The following OR1J2 variants were observed in gnomAD, a reference collection of about 807,000 sequenced individuals.
OR1J2 encodes the protein olfactory receptor 1J2.
For synonymous variants in OR1J2, 142 were observed against 99.7 expected, an observed-to-expected ratio of 1.42 and a Z score of -2.52; for missense variants, 304 against 246.1, an observed-to-expected ratio of 1.24 and a Z score of -1.57.
chr9:122,515,431 A>T (rs1276716370), downstream of OR1J2, among the ~76,000 whole-genome samples: 1 of 143,908 alleles, frequency 6.9e-6, no homozygotes, highest in East Asian at 2.1e-4. Flanking sequence ...TTCTGGAGTC[A>T]TTTTTTATTC....
the OR1J2 span, among the ~76,000 whole-genome samples, chr9:122,534,485 T>C: frequency 0.023 from 3,525 of 152,236 alleles, 119 homozygotes; most frequent in African/African-American, 0.079. Context: ...GCATTAACCT[T>C]GACTATGCCT....
chr9:122,519,421 A>T, the OR1J2 span: 1 of 1,614,190 alleles, frequency 6.2e-7, no homozygotes, highest in Non-Finnish European at 8.5e-7. Context: ...TCCATTCTTT[A>T]TGCAGGGTGT....
chr9:122,464,561 G>A, the OR1J2 span, among the ~76,000 whole-genome samples: 1 of 152,170 alleles, frequency 6.6e-6, no homozygotes, highest in East Asian at 1.9e-4. Context: ...CACTCTGTCC[G>A]ACCTAGTGGG....
chr9:122,463,584 G>T, the OR1J2 span, among the ~76,000 whole-genome samples: 1 of 152,128 alleles, frequency 6.6e-6, no homozygotes, highest in Admixed American at 6.6e-5. Flanking sequence ...GAACTCAAGG[G>T]CTGCTGTTCA....
chr9:122,547,915 G>A, the OR1J2 span, among the ~76,000 whole-genome samples: 2,779 of 152,040 alleles, frequency 0.018, 37 homozygotes, highest in Middle Eastern at 0.031. Flanking sequence ...CCAACATTGC[G>A]TTAAGTATTC....
the OR1J2 span, among the ~76,000 whole-genome samples, chr9:122,454,580 A>G: frequency 4.1e-4 from 62 of 151,544 alleles, no homozygotes; most frequent in African/African-American, 1.4e-3. Context: ...CTTTCCATTT[A>G]TTACCTGTCT....
chr9:122,447,514 A>T, the OR1J2 span: 1 of 152,170 alleles, frequency 6.6e-6, no homozygotes, highest in Non-Finnish European at 1.5e-5. Flanking sequence ...TCCTGGCCCT[A>T]TGGATACTGG....
chr9:122,477,699 G>A, the OR1J2 span: 1 of 1,614,174 alleles, frequency 6.2e-7, no homozygotes, highest in Non-Finnish European at 8.5e-7. Context: ...TAGGGACAGT[G>A]ACAGATGAAA....
the OR1J2 span, among the ~76,000 whole-genome samples, chr9:122,550,597 A>C: frequency 1.3e-5 from 2 of 152,166 alleles, no homozygotes; most frequent in African/African-American, 4.8e-5. Flanking sequence ...AGTGAAATAT[A>C]TACAAATCAA....
chr9:122,518,264 A>G, the OR1J2 span, among the ~76,000 whole-genome samples: 1 of 152,172 alleles, frequency 6.6e-6, no homozygotes, highest in South Asian at 2.1e-4. Context: ...TCCACTAGGT[A>G]TGGTGTTTAC....
the OR1J2 span, among the ~76,000 whole-genome samples, chr9:122,538,136 A>C: frequency 1.6e-4 from 23 of 146,636 alleles, no homozygotes; most frequent in African/African-American, 3.0e-4. Flanking sequence ...AGGCAAGCCC[A>C]CCCCCAACAG....
upstream of OR1J2, among the ~76,000 whole-genome samples, chr9:122,507,725 G>C (rs1467997380): frequency 6.6e-6 from 1 of 152,112 alleles, no homozygotes; most frequent in African/African-American, 2.4e-5. Flanking sequence ...CCAGAGTCCA[G>C]CAAAGGAATT....
the OR1J2 span, among the ~76,000 whole-genome samples, chr9:122,573,327 T>C: frequency 6.6e-6 from 1 of 152,270 alleles, no homozygotes; most frequent in Non-Finnish European, 1.5e-5. Context: ...TTAACTTCAC[T>C]GCAATATCCG....
the OR1J2 span, among the ~76,000 whole-genome samples, chr9:122,470,803 G>A: frequency 6.6e-6 from 1 of 152,202 alleles, no homozygotes; most frequent in Non-Finnish European, 1.5e-5. Context: ...TGTGAGACCT[G>A]GAGTCAAAGG....
the OR1J2 span, among the ~76,000 whole-genome samples, chr9:122,483,783 AC>A: frequency 1.3e-5 from 2 of 152,222 alleles, no homozygotes; most frequent in Non-Finnish European, 2.9e-5. Context: ...CATATGTTTT[AC>A]TTCTCTTTAT....
the OR1J2 span, among the ~76,000 whole-genome samples, chr9:122,564,952 A>G: frequency 1.4e-4 from 20 of 140,822 alleles, no homozygotes; most frequent in Middle Eastern, 3.8e-3. Flanking sequence ...CATTGTGCCA[A>G]TTAGACCTAG....
At chr9:122,515,462 T>G (rs968175217), downstream of OR1J2, among the ~76,000 whole-genome samples, 4 of 151,524 alleles carry the variant, frequency 2.6e-5, no homozygotes, top group Admixed American at 2.6e-4. Context: ...AAGACAGGGA[T>G]GCAACAATCA....
At chr9:122,536,417 T>C in the OR1J2 span, among the ~76,000 whole-genome samples, 1 of 152,006 alleles carries the variant, frequency 6.6e-6, no homozygotes, top group East Asian at 1.9e-4. Context: ...TAAACTCTAC[T>C]AAAATAAAAA....
chr9:122,518,307 G>C, the OR1J2 span, among the ~76,000 whole-genome samples: 1 of 152,194 alleles, frequency 6.6e-6, no homozygotes, highest in Non-Finnish European at 1.5e-5. Context: ...GTCTTAGTCG[G>C]TTGGGCTGCT....
Sources: allele counts gnomAD v4.1 joint callset (sites outside exome capture counted in the v4.1 genomes callset), GRCh38; gene constraint gnomAD v4.1.1; transcripts MANE v1.5; gene names NCBI Gene and HGNC (gene_info 2026-07-23, HGNC 2026-07-21).